The following ABCG2 variants were observed in gnomAD, a reference collection of about 807,000 sequenced individuals.
ABCG2 encodes the protein ATP binding cassette subfamily G member 2 (JR blood group), also known as broad substrate specificity ATP-binding cassette transporter ABCG2.
Under a neutral mutation model 73.5 loss-of-function variants are expected in ABCG2, and 80 were observed. The ratio of observed to expected loss-of-function variants is 1.09; its 90% confidence interval spans 0.91 to 1.31. ABCG2 has a LOEUF of 1.31. ABCG2 is among the 50% of genes most tolerant of loss of function. The pLI is 0.00. For missense variants in ABCG2, 796 were observed against 786.2 expected, an observed-to-expected ratio of 1.01 and a Z score of -0.15; for synonymous variants, 269 against 282.4, an observed-to-expected ratio of 0.95 and a Z score of 0.48.
chr4:88,229,331 A>G (rs185340784), intron 1 of ABCG2, among the ~76,000 whole-genome samples: 2 of 152,256 alleles, frequency 1.3e-5, no homozygotes, highest in East Asian at 3.9e-4. Flanking sequence ...AAATGGCTTC[A>G]GCATCTTCAC....
At chr4:88,093,390 G>C (rs1721771933) in intron 15 of ABCG2, among the ~76,000 whole-genome samples, 1 of 151,182 alleles carries the variant, frequency 6.6e-6, no homozygotes, top group Non-Finnish European at 1.5e-5. Context: ...TGTAATCCCA[G>C]CTACTCAGGA....
At chr4:88,141,723 G>A (rs536365484) in intron 1 of ABCG2, among the ~76,000 whole-genome samples, 16 of 152,146 alleles carry the variant, frequency 1.1e-4, no homozygotes, top group South Asian at 4.2e-4. Context: ...CCTGATTCAC[G>A]AATCATAAGT....
intron 1 of ABCG2, among the ~76,000 whole-genome samples, chr4:88,219,840 C>T (rs1196814948): frequency 1.3e-5 from 2 of 151,596 alleles, no homozygotes; most frequent in Non-Finnish European, 2.9e-5. Flanking sequence ...CCACCCGCCT[C>T]GGCCTCCCAA....
At chr4:88,098,312 T>TA (rs1722120984) in intron 12 of ABCG2, among the ~76,000 whole-genome samples, 1 of 152,172 alleles carries the variant, frequency 6.6e-6, no homozygotes, top group African/African-American at 2.4e-5. Flanking sequence ...AGTGTCAAAA[T>TA]AGATATTTCC....
intron 12 of ABCG2, among the ~76,000 whole-genome samples, chr4:88,098,538 A>T (rs1432505448): frequency 6.6e-6 from 1 of 151,044 alleles, no homozygotes; most frequent in African/African-American, 2.4e-5. Flanking sequence ...ATATATATAT[A>T]TTTAATCATT....
chr4:88,217,575 T>C (rs948953644), intron 1 of ABCG2, among the ~76,000 whole-genome samples: 6 of 151,738 alleles, frequency 4.0e-5, no homozygotes, highest in Admixed American at 1.3e-4. Flanking sequence ...GGAGGGAGAA[T>C]TGCTTGAACC....
intron 1 of ABCG2, among the ~76,000 whole-genome samples, chr4:88,208,345 G>A (rs571505388): frequency 6.6e-6 from 1 of 152,298 alleles, no homozygotes; most frequent in South Asian, 2.1e-4. Context: ...GAAATCCATG[G>A]GCAAGCTTCC....
intron 9 of ABCG2, among the ~76,000 whole-genome samples, chr4:88,109,133 G>A (rs1184423543): frequency 6.6e-6 from 1 of 151,696 alleles, no homozygotes; most frequent in African/African-American, 2.4e-5. Context: ...CAAGCAACTG[G>A]GATTACATGC....
intron 10 of ABCG2, among the ~76,000 whole-genome samples, chr4:88,104,410 A>G (rs1722636553): frequency 6.6e-6 from 1 of 152,222 alleles, no homozygotes; most frequent in African/African-American, 2.4e-5. Flanking sequence ...TTTCCTCATC[A>G]ATAAATCACT....
At chr4:88,192,868 T>C (rs1304040430) in intron 1 of ABCG2, among the ~76,000 whole-genome samples, 1 of 151,608 alleles carries the variant, frequency 6.6e-6, no homozygotes, top group African/African-American at 2.4e-5. Flanking sequence ...CCCACCACCT[T>C]GCCCAGCTAA....
chr4:88,206,028 C>T (rs1368539623), intron 1 of ABCG2, among the ~76,000 whole-genome samples: 5 of 152,170 alleles, frequency 3.3e-5, no homozygotes, highest in African/African-American at 7.2e-5. Context: ...TAGTCTCTGC[C>T]GACAATACTT....
chr4:88,097,733 C>A, intron 12 of ABCG2, 126 bp from the exon 13 acceptor site: 1 of 999,586 alleles, frequency 1.0e-6, no homozygotes, highest in Non-Finnish European at 1.4e-6. Flanking sequence ...AAAAGTCATC[C>A]ACTCTCCAAC....
At chr4:88,153,578 C>T (rs1382117031) in intron 1 of ABCG2, among the ~76,000 whole-genome samples, 1 of 150,330 alleles carries the variant, frequency 6.7e-6, no homozygotes, top group Non-Finnish European at 1.5e-5. Flanking sequence ...ATACCAAGAG[C>T]CCGAAAAACT....
At chr4:88,177,344 G>C (rs1003395022) in intron 1 of ABCG2, among the ~76,000 whole-genome samples, 1 of 151,620 alleles carries the variant, frequency 6.6e-6, no homozygotes. Context: ...CGGCACTCCA[G>C]CCTGGGCGAC....
At chr4:88,158,640 G>C, upstream of ABCG2, 1 of 456,240 alleles carries the variant, frequency 2.2e-6, no homozygotes, top group Non-Finnish European at 4.4e-6. Flanking sequence ...GGCGGGCACT[G>C]CCTCTTCCCT....
chr4:88,211,516 A>G (rs530326332), intron 1 of ABCG2, among the ~76,000 whole-genome samples: 140 of 152,264 alleles, frequency 9.2e-4, no homozygotes, highest in South Asian at 2.5e-3. Flanking sequence ...TCCCAGGTTC[A>G]AGTGATTCTT....
At chr4:88,133,334 C>T (rs17013859) in intron 2 of ABCG2, among the ~76,000 whole-genome samples, 16,519 of 151,990 alleles carry the variant, frequency 0.11, 2,314 homozygotes, top group African/African-American at 0.33. Context: ...GGATAAAGCA[C>T]TTCAGGATAA....
At position 88,115,031 on chromosome 4, in the gene ABCG2, G is replaced by A. The variant is rs763107505; in HGVS notation, c.869C>T (p.Pro290Leu). 89 of 1,612,778 alleles carry A rather than the reference G, an allele frequency of 5.5e-5. 1 individual carries two copies. In the South Asian group the frequency reaches 9.1e-4, roughly 17 times the overall value. The change falls in exon 8 of 16, where the codon CCT (proline) becomes CTT (leucine). Residue 290 changes from proline to leucine, a missense_variant. By Grantham distance (98) the Pro-to-Leu change is moderately conservative (BLOSUM62 -3). Transcript: ENST00000237612. ...AATGATGTCCAAGAAGAAGTCTGCAGGGTTATTATAGGCCTCACAGTGATA... is the reference window on the plus strand; with the variant it reads ...AATGATGTCCAAGAAGAAGTCTGCAAGGTTATTATAGGCCTCACAGTGATA... Reference protein sequence around the residue: ...AGYHCEAYNNPADFFLDIING... With the variant: ...AGYHCEAYNNLADFFLDIING...
At chr4:88,120,866 G>A (rs1723920019) in intron 6 of ABCG2, among the ~76,000 whole-genome samples, 1 of 152,096 alleles carries the variant, frequency 6.6e-6, no homozygotes, top group African/African-American at 2.4e-5. Flanking sequence ...ATGAGATTTG[G>A]GAGGGAGGGG....
Sources: gnomAD v4.1 joint callset for allele counts (sites outside exome capture counted in the v4.1 genomes callset) on GRCh38, gnomAD v4.1.1 for gene constraint, MANE v1.5 for transcripts, NCBI Gene and HGNC (gene_info 2026-07-23, HGNC 2026-07-21) for gene names.